Variants in MTCH2 observed in about 807,000 individuals in gnomAD.
The protein encoded by MTCH2 is mitochondrial carrier 2.
Under a neutral mutation model 50.6 loss-of-function variants are expected in MTCH2, and 25 were observed. The ratio of observed to expected loss-of-function variants is 0.49; its 90% CI spans 0.36 to 0.69. MTCH2 has a LOEUF of 0.69. Among genes scored for constraint, MTCH2 ranks in the 30% least tolerant of loss-of-function variants. The probability of loss-of-function intolerance (pLI) is 0.00; values close to 1 mark genes in which losing one functional copy is unlikely to be tolerated. For missense variants in MTCH2, 273 were observed against 384.4 expected, an observed-to-expected ratio of 0.71 and a Z score of 2.42; for synonymous variants, 106 against 132.0, an observed-to-expected ratio of 0.80 and a Z score of 1.35.
At position 47,618,465 on chromosome 11, in the gene MTCH2, A is replaced by C. The variant is rs1259366083; in HGVS notation, c.*368T>G. 1 of 253,474 alleles carries C rather than the reference A, an allele frequency of 3.9e-6. No homozygotes were observed. Among genetic ancestry groups the C allele is most frequent in the East Asian group, 1.3e-4 (1 of 7,614 alleles). The allele number at this position is 253,474 out of a possible 1,614,324, so 15.7% of individuals were successfully genotyped here. The stretch of plus-strand genomic sequence containing the variant: ...TAATTTAGTGATTTTGTTAAGTTTT[A>C]CAAAATTATTTCTCATTTTTCTTGG... On this transcript the variant is annotated 3_prime_UTR_variant, in exon 13 of 13. Coordinates refer to ENST00000302503, the MANE Select transcript of MTCH2 (RefSeq NM_014342.4).
chr11:47,609,934 C>G, the MTCH2 span, among the ~76,000 whole-genome samples: 3 of 152,302 alleles, frequency 2.0e-5, no homozygotes, highest in East Asian at 5.8e-4. Flanking sequence ...CAGTGATTTT[C>G]TAGAAGCAGA....
intron 10 of MTCH2, among the ~76,000 whole-genome samples, chr11:47,626,396 A>C: frequency 6.9e-6 from 1 of 144,896 alleles, no homozygotes; most frequent in Non-Finnish European, 1.5e-5. Flanking sequence ...CTGGTCTTGA[A>C]CTCTTGGCCT....
intron 12 of MTCH2, among the ~76,000 whole-genome samples, chr11:47,622,124 G>A (rs1015952380): frequency 6.6e-6 from 1 of 151,058 alleles, no homozygotes; most frequent in Non-Finnish European, 1.5e-5. Flanking sequence ...TAGACCTCTC[G>A]AAGTGCTAGA....
At chr11:47,618,994 G>A in intron 12 of MTCH2, 75 bp from the exon 13 acceptor site, 4 of 1,302,462 alleles carry the variant, frequency 3.1e-6, no homozygotes, top group Non-Finnish European at 4.4e-6. Context: ...CAGCAGAGAG[G>A]TCCAATTGGG....
At chr11:47,608,164 G>C in the MTCH2 span, among the ~76,000 whole-genome samples, 3 of 152,178 alleles carry the variant, frequency 2.0e-5, no homozygotes, top group Non-Finnish European at 4.4e-5. Context: ...GCTGTTTTAT[G>C]GGTTGGAGCT....
downstream of MTCH2, among the ~76,000 whole-genome samples, chr11:47,612,749 GTGCTAATTTT>G (rs1415095689): frequency 6.6e-6 from 1 of 150,728 alleles, no homozygotes; most frequent in Non-Finnish European, 1.5e-5. Flanking sequence ...AAAAAAAGAA[GTGCTAATTTT>G]TGGTTGGTGG....
rs1598839124 is a variant in MTCH2, at chr11:47,625,840, C to CT, written c.682-100dup. The stretch of plus-strand genomic sequence containing the variant: ...CCTAGTGCCACTGCGGTGAGACACT[C>CT]TAACACTTGTCTCGCTTCATCGGTA... On this transcript the variant is annotated intron_variant, in intron 10 of 12. Transcript: ENST00000302503. 11 of 860,534 alleles carry CT rather than the reference C, an allele frequency of 1.3e-5. No individual in the cohort carries two copies. The East Asian group carries it at 2.6e-4, about 20-fold the overall frequency. 53.3% of individuals were successfully genotyped at this position (860,534 alleles called of 1,614,324 possible). A position where few individuals can be genotyped will look rare whatever the true frequency, so the allele number is the denominator to read the frequency against.
chr11:47,609,654 A>G, the MTCH2 span, among the ~76,000 whole-genome samples: 9 of 150,764 alleles, frequency 6.0e-5, no homozygotes, highest in African/African-American at 2.4e-5. Flanking sequence ...AAAAAAAAGA[A>G]AAGAGAAGAA....
chr11:47,629,133 TAG>T (rs998524430), intron 8 of MTCH2, 87 bp from the exon 9 acceptor site: 13 of 1,134,726 alleles, frequency 1.1e-5, no homozygotes, highest in Non-Finnish European at 1.5e-5. Context: ...GTCAAATAAT[TAG>T]AGGTCACAAA....
chr11:47,621,342 A>AT (rs1456219554), intron 12 of MTCH2, among the ~76,000 whole-genome samples: 3 of 151,852 alleles, frequency 2.0e-5, no homozygotes, highest in Non-Finnish European at 4.4e-5. Flanking sequence ...TAAGAAGTGG[A>AT]CCCCCCTTCA....
At chr11:47,615,962 C>T (rs576185800), downstream of MTCH2, among the ~76,000 whole-genome samples, 1 of 151,932 alleles carries the variant, frequency 6.6e-6, no homozygotes, top group African/African-American at 2.4e-5. Context: ...GAAACCCATA[C>T]CTTCTTTATT....
At chr11:47,625,861 C>T (rs1174483493) in intron 10 of MTCH2, 120 bp from the exon 11 acceptor site, 5 of 671,948 alleles carry the variant, frequency 7.4e-6, no homozygotes, top group Admixed American at 2.9e-5. Context: ...CTCGCTTCAT[C>T]GGTACCCTGG....
the MTCH2 span, among the ~76,000 whole-genome samples, chr11:47,605,376 A>C: frequency 6.6e-6 from 1 of 151,374 alleles, no homozygotes; most frequent in Non-Finnish European, 1.5e-5. Context: ...TTTCTCAGGC[A>C]CCTCTGGCAA....
chr11:47,634,826 G>A (rs1481510702), intron 4 of MTCH2, 92 bp from the exon 5 acceptor site: 1 of 831,270 alleles, frequency 1.2e-6, no homozygotes, highest in Non-Finnish European at 1.8e-6. Flanking sequence ...AGGCTGGAGT[G>A]CAGTGGCACA....
intron 3 of MTCH2, among the ~76,000 whole-genome samples, chr11:47,637,785 T>C (rs1022777626): frequency 1.3e-5 from 2 of 152,182 alleles, no homozygotes; most frequent in Non-Finnish European, 2.9e-5. Context: ...AGAGAACAAA[T>C]GTGAAGATAA....
chr11:47,621,697 A>C (rs1186942480), intron 12 of MTCH2, among the ~76,000 whole-genome samples: 1 of 151,720 alleles, frequency 6.6e-6, no homozygotes, highest in Non-Finnish European at 1.5e-5. Flanking sequence ...GGCCTCCCAA[A>C]GTGCTGGGAT....
At chr11:47,642,106 A>T (rs893186547) in intron 1 of MTCH2, among the ~76,000 whole-genome samples, 2 of 152,176 alleles carry the variant, frequency 1.3e-5, no homozygotes, top group Non-Finnish European at 2.9e-5. Context: ...ACCAAAGTTC[A>T]GAGGATCCGC....
chr11:47,633,042 G>A (rs1239007742), intron 5 of MTCH2, among the ~76,000 whole-genome samples: 1 of 151,092 alleles, frequency 6.6e-6, no homozygotes, highest in Non-Finnish European at 1.5e-5. Context: ...TTCTCCAAGG[G>A]CATAAGATCC....
At chr11:47,636,085 G>C (rs538191982) in intron 3 of MTCH2, among the ~76,000 whole-genome samples, 1 of 151,540 alleles carries the variant, frequency 6.6e-6, no homozygotes, top group Non-Finnish European at 1.5e-5. Context: ...CCAAGATCAC[G>C]CCACTGCACT....
Sources: gnomAD v4.1 joint callset for allele counts (sites outside exome capture counted in the v4.1 genomes callset) on GRCh38, gnomAD v4.1.1 for gene constraint, MANE v1.5 for transcripts, NCBI Gene and HGNC (gene_info 2026-07-23, HGNC 2026-07-21) for gene names.